FCHO2: variants seen among roughly 807,000 people sequenced by gnomAD.
FCHO2 encodes the protein FCH and mu domain containing endocytic adaptor 2.
A neutral mutation model predicts 114.1 loss-of-function variants in FCHO2; 43 were observed. The observed-to-expected ratio is 0.38, with a 90% CI of 0.30 to 0.49. The LOEUF (loss-of-function observed/expected upper bound fraction) is 0.49, where lower values mean the gene tolerates loss of function less well. Ranked by LOEUF, FCHO2 falls within the 20% of genes least tolerant of loss-of-function variation. The pLI, the probability that FCHO2 is intolerant of heterozygous loss-of-function variation, is 0.97. For synonymous variants in FCHO2, 293 were observed against 315.2 expected, an observed-to-expected ratio of 0.93 and a Z score of 0.75; for missense variants, 807 against 950.4, an observed-to-expected ratio of 0.85 and a Z score of 1.98.
At chr5:73,076,531 G>A (rs1742916164) in intron 20 of FCHO2, among the ~76,000 whole-genome samples, 1 of 152,062 alleles carries the variant, frequency 6.6e-6, no homozygotes, top group African/African-American at 2.4e-5. Flanking sequence ...GAAAAAAGAG[G>A]GAACAATCAC....
chr5:73,063,829 C>CGGAA lies in FCHO2; in HGVS notation c.1346-12_1346-11insGGAA. ...ATGATTTTCTTCAAATTCTCTTTTCCCCCTCAACCAGCCAGGCCCACAACT... is the reference window on the plus strand; with the variant it reads ...ATGATTTTCTTCAAATTCTCTTTTCCGGAACCCTCAACCAGCCAGGCCCACAACT... On this transcript the variant is annotated splice_polypyrimidine_tract_variant and intron_variant, in intron 17 of 25. Coordinates refer to ENST00000430046, the MANE Select transcript of FCHO2 (RefSeq NM_138782.3). The CGGAA allele has an allele frequency of 6.2e-7, 1 of 1,607,000 alleles. No individual in the cohort carries two copies. The highest frequency in any genetic ancestry group is 2.2e-5 in the East Asian group (1 of 44,690).
intron 5 of FCHO2, 128 bp downstream of exon 5, chr5:72,990,992 A>G: frequency 9.9e-7 from 1 of 1,013,594 alleles, no homozygotes; most frequent in South Asian, 2.0e-5. Flanking sequence ...TTACAGTCCT[A>G]GTGATTACCC....
chr5:73,078,031 G>C (rs1742973263), intron 21 of FCHO2, 149 bp from the exon 22 acceptor site: 1 of 521,014 alleles, frequency 1.9e-6, no homozygotes, highest in African/African-American at 2.0e-5. Flanking sequence ...CTTCTCCTGT[G>C]TTCCATTCTT....
chr5:73,024,764 C>T (rs757468921), intron 8 of FCHO2, among the ~76,000 whole-genome samples: 11 of 152,048 alleles, frequency 7.2e-5, no homozygotes, highest in Non-Finnish European at 1.6e-4. Context: ...AACCTCAGTG[C>T]CCTCATCTGT....
At chr5:72,976,468 C>A (rs972247791) in intron 2 of FCHO2, among the ~76,000 whole-genome samples, 3 of 152,062 alleles carry the variant, frequency 2.0e-5, no homozygotes, top group Non-Finnish European at 4.4e-5. Context: ...CACAGTCTCC[C>A]AAAGCTCTGC....
At chr5:72,973,538 C>G (rs1378199948) in intron 2 of FCHO2, among the ~76,000 whole-genome samples, 8 of 151,880 alleles carry the variant, frequency 5.3e-5, no homozygotes, top group Admixed American at 2.0e-4. Flanking sequence ...TCTGTGGGAT[C>G]GGTGGTGATA....
chr5:73,082,780 G>A lies in FCHO2; in HGVS notation c.2200G>A (p.Ala734Thr), dbSNP rs1372827398. 6.2e-7 allele frequency: 1 copy of A among 1,606,786 alleles called. No individual in the cohort carries two copies. Reference protein sequence around the residue: ...PAIWNAEQMKAFWKLSSISEK... With the variant: ...PAIWNAEQMKTFWKLSSISEK... ...TTGCAGGAATGCAGAACAAATGAAAGCCTTTTGGAAATTGTCTAGTATTTC... is the reference window on the plus strand; with the variant it reads ...TTGCAGGAATGCAGAACAAATGAAAACCTTTTGGAAATTGTCTAGTATTTC... Residue 734 changes from alanine (A) to threonine (T), a missense_variant, in exon 24 of 26, where the codon GCC (alanine) becomes ACC (threonine). Physicochemically the swap from Ala to Thr is moderately conservative, Grantham distance 58. Transcript: ENST00000430046.
At chr5:73,052,237 C>T in intron 12 of FCHO2, 95 bp from the exon 13 acceptor site, 1 of 1,270,296 alleles carries the variant, frequency 7.9e-7, no homozygotes, top group Non-Finnish European at 1.1e-6. Flanking sequence ...GTCTGTGTAA[C>T]TCTTAAAGGT....
chr5:73,074,637 A>G (rs1298940412), intron 19 of FCHO2, 105 bp from the exon 20 acceptor site: 14 of 963,716 alleles, frequency 1.5e-5, no homozygotes, highest in Non-Finnish European at 1.9e-5. Flanking sequence ...CACTGAAACC[A>G]GTGGTAGGGT....
At chr5:73,055,957 A>G in intron 15 of FCHO2, 108 bp from the exon 16 acceptor site, 1 of 720,244 alleles carries the variant, frequency 1.4e-6, no homozygotes, top group Non-Finnish European at 2.2e-6. Flanking sequence ...TCAATTCCAA[A>G]ATTTTTAATT....
chr5:73,003,491 T>A (rs949246303), intron 5 of FCHO2, among the ~76,000 whole-genome samples: 6 of 152,158 alleles, frequency 3.9e-5, no homozygotes, highest in African/African-American at 1.4e-4. Flanking sequence ...AAATTACTTG[T>A]AAAAGTGTAT....
chr5:73,078,235 G>A lies in FCHO2; in HGVS notation c.1903G>A (p.Val635Ile). Residue 635 changes from valine (V) to isoleucine (I), a missense_variant, in exon 22 of 26, where the codon GTT becomes ATT. Physicochemically the swap from Val to Ile is conservative, Grantham distance 29. Transcript: ENST00000430046. ...TKDFWMNMQA[V>I]TVYLKKLSEQ... ...AGATTTTTGGATGAACATGCAAGCT[G>A]TTACAGTCTACCTCAAGAAGCTGTC... 1.3e-6 allele frequency: 2 copies of A among 1,590,964 alleles called. No individual in the cohort carries two copies. Among genetic ancestry groups the A allele is most frequent in the Non-Finnish European group, 8.6e-7 (1 of 1,168,130 alleles).
intron 19 of FCHO2, 33 bp downstream of exon 19, chr5:73,068,812 T>A: frequency 6.2e-7 from 1 of 1,605,482 alleles, no homozygotes; most frequent in Admixed American, 1.7e-5. Context: ...ATGTGAAATG[T>A]AGTGTACAAA....
chr5:72,992,171 A>G (rs1716627597), intron 5 of FCHO2, among the ~76,000 whole-genome samples: 1 of 152,242 alleles, frequency 6.6e-6, no homozygotes, highest in African/African-American at 2.4e-5. Context: ...ATTTGGAGCA[A>G]TAAGGCACAT....
chr5:73,069,999 T>C (rs1443848826), intron 19 of FCHO2, among the ~76,000 whole-genome samples: 1 of 152,118 alleles, frequency 6.6e-6, no homozygotes, highest in Non-Finnish European at 1.5e-5. Flanking sequence ...AAATCACTGA[T>C]TTTCACTAAC....
At chr5:73,028,107 A>G (rs145081165) in intron 8 of FCHO2, among the ~76,000 whole-genome samples, 2 of 152,264 alleles carry the variant, frequency 1.3e-5, no homozygotes, top group African/African-American at 4.8e-5. Context: ...AGAGGGGAGT[A>G]TGGCTTGAGC....
rs1030809588 is a variant in FCHO2 at position 73,041,653 on chromosome 5, T to C, written c.939+338T>C. On this transcript the variant is annotated intron_variant, in intron 11 of 25. Coordinates refer to ENST00000430046, the MANE Select transcript of FCHO2 (RefSeq NM_138782.3). ...ATGTGGTGTTCTTACTAATTTATTC[T>C]TAGCTCTATTAAAATACAACATTGT... Among the ~76,000 whole-genome samples the C allele has an allele frequency of 3.3e-5, 5 of 152,222 alleles. No homozygotes were observed. In the South Asian group the frequency reaches 1.0e-3, roughly 32 times the overall value.
intron 5 of FCHO2, among the ~76,000 whole-genome samples, chr5:73,003,705 G>A (rs1039605306): frequency 6.6e-6 from 1 of 152,018 alleles, no homozygotes; most frequent in Non-Finnish European, 1.5e-5. Flanking sequence ...GCAAAGAAGG[G>A]GCTTTCAGTA....
intron 8 of FCHO2, among the ~76,000 whole-genome samples, chr5:73,017,730 T>C (rs1755382624): frequency 3.3e-5 from 5 of 152,242 alleles, no homozygotes; most frequent in Admixed American, 3.3e-4. Context: ...GTAGAACCTT[T>C]CTTAAAATTT....
Sources: allele counts gnomAD v4.1 joint callset (sites outside exome capture counted in the v4.1 genomes callset), GRCh38; gene constraint gnomAD v4.1.1; transcripts MANE v1.5; gene names NCBI Gene and HGNC (gene_info 2026-07-23, HGNC 2026-07-21).